The following POU2F1 variants were observed in gnomAD, a reference collection of about 807,000 sequenced individuals.
POU2F1 encodes POU class 2 homeobox 1.
In POU2F1, 16 loss-of-function variants were observed where a neutral mutation model predicts 84.9. That is an observed-to-expected ratio of 0.19 (90% CI 0.13 to 0.29). The LOEUF is 0.29. POU2F1 is among the 10% of genes least tolerant of loss of function. The pLI is 1.00. For missense variants in POU2F1, 738 were observed against 942.6 expected, an observed-to-expected ratio of 0.78 and a Z score of 2.84; for synonymous variants, 368 against 368.3, an observed-to-expected ratio of 1.00 and a Z score of 0.01.
At chr1:167,221,655 G>A (rs1463026308) in intron 1 of POU2F1, among the ~76,000 whole-genome samples, 1 of 150,966 alleles carries the variant, frequency 6.6e-6, no homozygotes, top group Non-Finnish European at 1.5e-5. Flanking sequence ...GGCTGAGCCC[G>A]GGGGTCACGG....
chr1:167,276,735 G>A (rs937387466), intron 1 of POU2F1, among the ~76,000 whole-genome samples: 6 of 152,072 alleles, frequency 3.9e-5, no homozygotes, highest in African/African-American at 1.2e-4. Flanking sequence ...AGGAAGAATG[G>A]AAGTATTCAA....
chr1:167,415,804 A>G lies in POU2F1; in HGVS notation c.2295A>G (p.Ala765=). ...AASTTTTASK[A]Q ...CCACCACCACCACCGCCTCCAAGGC[A>G]CAGTGAGCTGGGCAGAGCTGGGCTG... Residue 765 remains alanine (A), a synonymous_variant, in exon 16 of 16, where the codon GCA becomes GCG. Transcript: ENST00000367866. The G allele has an allele frequency of 5.0e-6, 8 of 1,613,618 alleles. No individual in the cohort carries two copies. The African/African-American group carries it at 1.1e-4, about 21-fold the overall frequency.
intron 1 of POU2F1, among the ~76,000 whole-genome samples, chr1:167,254,067 G>A (rs541428589): frequency 6.6e-6 from 1 of 152,072 alleles, no homozygotes; most frequent in Non-Finnish European, 1.5e-5. Flanking sequence ...TGTATTATAT[G>A]GTGAATTAAA....
chr1:167,301,727 T>A (rs1420086381), intron 1 of POU2F1, among the ~76,000 whole-genome samples: 1 of 152,190 alleles, frequency 6.6e-6, no homozygotes, highest in East Asian at 1.9e-4. Context: ...TTACAGTTCC[T>A]GGTTGGGAGG....
rs1650890463 is a variant in POU2F1, at chr1:167,425,298, C to T, written c.*9488C>T. The T allele has an allele frequency of 6.6e-6, 1 of 152,018 alleles. No homozygotes were observed. The highest frequency in any genetic ancestry group is 2.4e-5 in the African/African-American group (1 of 41,370). 9.4% of individuals were successfully genotyped at this position (152,018 alleles called of 1,614,324 possible). A position where few individuals can be genotyped will look rare whatever the true frequency, so the allele number is the denominator to read the frequency against. ...AAAGATTTCTTAATGATTGTATAAA[C>T]TCAAAACAAACAAAAGAACCAAAGA... On this transcript the variant is annotated 3_prime_UTR_variant, in exon 16 of 16. Coordinates refer to ENST00000367866, the MANE Select transcript of POU2F1 (RefSeq NM_002697.4).
chr1:167,251,200 A>C (rs1042858693), intron 1 of POU2F1, among the ~76,000 whole-genome samples: 2 of 152,022 alleles, frequency 1.3e-5, no homozygotes, highest in African/African-American at 2.4e-5. Context: ...GGAGTGTGAG[A>C]CCAGCCTGCC....
At chr1:167,330,016 A>T (rs896519323) in intron 1 of POU2F1, among the ~76,000 whole-genome samples, 6 of 152,186 alleles carry the variant, frequency 3.9e-5, no homozygotes, top group African/African-American at 9.6e-5. Context: ...TGTTAAAACC[A>T]TCTTTGGTGA....
chr1:167,250,191 A>G (rs1650618435), intron 1 of POU2F1, among the ~76,000 whole-genome samples: 2 of 152,080 alleles, frequency 1.3e-5, no homozygotes, highest in African/African-American at 4.8e-5. Context: ...CGGAAAATAG[A>G]GAAGAGAAAA....
At chr1:167,384,133 C>CA (rs1239858433) in intron 8 of POU2F1, among the ~76,000 whole-genome samples, 182 bp downstream of exon 8, 1 of 152,114 alleles carries the variant, frequency 6.6e-6, no homozygotes, top group Non-Finnish European at 1.5e-5. Context: ...TGAAAATCTT[C>CA]AGAGTTCCTG....
intron 1 of POU2F1, among the ~76,000 whole-genome samples, chr1:167,294,172 CAAAAAAAAA>C (rs60846607): frequency 1.1e-3 from 35 of 30,956 alleles, no homozygotes; most frequent in Non-Finnish European, 1.6e-3. Flanking sequence ...TACTAAAATA[CAAAAAAAAA>C]AAAAAAAAAA....
At chr1:167,354,725 A>T (rs770614400) in intron 2 of POU2F1, among the ~76,000 whole-genome samples, 12 of 152,198 alleles carry the variant, frequency 7.9e-5, no homozygotes, top group Non-Finnish European at 1.8e-4. Flanking sequence ...TAGCCAATTT[A>T]TCAGGTGTAA....
chr1:167,400,547 A>ACAATCATCTC (rs1312751606), intron 12 of POU2F1, among the ~76,000 whole-genome samples: 6 of 152,218 alleles, frequency 3.9e-5, no homozygotes, highest in Non-Finnish European at 1.5e-5. Context: ...TTGTATTAAA[A>ACAATCATCTC]CAATCATCTC....
At chr1:167,277,794 T>C (rs888461040) in intron 1 of POU2F1, among the ~76,000 whole-genome samples, 1 of 152,206 alleles carries the variant, frequency 6.6e-6, no homozygotes, top group Non-Finnish European at 1.5e-5. Context: ...ATTCCAGTTT[T>C]CCAAGTTAAA....
intron 1 of POU2F1, among the ~76,000 whole-genome samples, chr1:167,289,030 C>CT (rs887554814): frequency 2.0e-5 from 3 of 152,144 alleles, no homozygotes; most frequent in Non-Finnish European, 2.9e-5. Context: ...GAAGTATTTG[C>CT]TAACCATGTT....
At chr1:167,385,488 A>C (rs1159171685) in intron 8 of POU2F1, among the ~76,000 whole-genome samples, 1 of 152,200 alleles carries the variant, frequency 6.6e-6, no homozygotes, top group African/African-American at 2.4e-5. Context: ...TCAGTGGAAC[A>C]GAATAGAAGG....
chr1:167,396,350 G>A lies in POU2F1; in HGVS notation c.1052G>A (p.Arg351Gln). The A allele has an allele frequency of 6.2e-7, 1 of 1,614,030 alleles. No homozygotes were observed. Among genetic ancestry groups the A allele is most frequent in the Non-Finnish European group, 8.5e-7 (1 of 1,179,930 alleles). The change falls in exon 10 of 16, where the codon CGA becomes CAA. Residue 351 changes from arginine (R) to glutamine (Q), a missense_variant. By Grantham distance (43) the Arg-to-Gln change is conservative (BLOSUM62 1). Transcript: ENST00000367866. ...GACTTCAGCCAAACTACCATCTCTC[G>A]ATTTGAAGCCTTGAACCTCAGCTTT... ...GNDFSQTTIS[R>Q]FEALNLSFKN...
At chr1:167,237,766 ATATATATTTTTTTTTTT>A (rs1441649731) in intron 1 of POU2F1, among the ~76,000 whole-genome samples, 1,869 of 57,558 alleles carry the variant, frequency 0.032, 26 homozygotes, top group African/African-American at 0.092. Context: ...ATATATATAT[ATATATATTTTTTTTTTT>A]TTTTTTTTTT....
Position 167,415,762 on chromosome 1 carries a change from T to C in POU2F1, c.2253T>C (p.Ser751=). Residue 751 remains serine, a synonymous_variant, in exon 16 of 16, where the codon TCT becomes TCC. Transcript: ENST00000367866. ...SIQNSLFTVA[S]ASGAASTTTT... ...AGAACTCTCTCTTCACAGTGGCCTC[T>C]GCCAGCGGGGCTGCGTCCACCACCA... The C allele has an allele frequency of 6.2e-7, 1 of 1,614,140 alleles. No homozygotes were observed. Among genetic ancestry groups the C allele is most frequent in the Admixed American group, 1.7e-5 (1 of 60,018 alleles).
intron 2 of POU2F1, among the ~76,000 whole-genome samples, chr1:167,349,420 A>G (rs1658412587): frequency 6.6e-6 from 1 of 151,924 alleles, no homozygotes; most frequent in Admixed American, 6.6e-5. Flanking sequence ...TTATTTTTCC[A>G]TAGCATTTAT....
Sources: allele counts gnomAD v4.1 joint callset (sites outside exome capture counted in the v4.1 genomes callset), GRCh38; gene constraint gnomAD v4.1.1; transcripts MANE v1.5; gene names NCBI Gene and HGNC (gene_info 2026-07-23, HGNC 2026-07-21).